The following CPLANE1 variants were observed in gnomAD, a reference collection of about 807,000 sequenced individuals.
CPLANE1 encodes ciliogenesis and planar polarity effector 1.
A neutral mutation model predicts 362.5 loss-of-function variants in CPLANE1; 263 were observed. The ratio of observed to expected loss-of-function variants is 0.73; its 90% CI spans 0.66 to 0.80. The LOEUF is 0.80. Ranked by LOEUF, CPLANE1 falls within the 30% of genes least tolerant of loss-of-function variation. The probability of loss-of-function intolerance (pLI) is 0.00; values close to 1 mark genes in which losing one functional copy is unlikely to be tolerated. For missense variants in CPLANE1, 3,461 were observed against 3,793.4 expected, an observed-to-expected ratio of 0.91 and a Z score of 2.30; for synonymous variants, 1,212 against 1,302.6, an observed-to-expected ratio of 0.93 and a Z score of 1.50.
chr5:37,175,435 G>A (rs1406272101), intron 31 of CPLANE1, among the ~76,000 whole-genome samples: 1 of 152,148 alleles, frequency 6.6e-6, no homozygotes, highest in Non-Finnish European at 1.5e-5. Context: ...CTTTCAACAG[G>A]TCTCAAGGAG....
At chr5:37,179,839 C>A (rs935404373) in intron 28 of CPLANE1, among the ~76,000 whole-genome samples, 178 bp downstream of exon 28, 1 of 151,956 alleles carries the variant, frequency 6.6e-6, no homozygotes, top group South Asian at 2.1e-4. Context: ...TTATTAAAAC[C>A]AAAATTAGAG....
the CPLANE1 span, among the ~76,000 whole-genome samples, chr5:37,089,561 T>C: frequency 2.0e-5 from 3 of 152,306 alleles, no homozygotes; most frequent in East Asian, 5.8e-4. Context: ...ATTCACCCAT[T>C]TTTGTCATTC....
At chr5:37,149,474 C>CT (rs1772830909) in intron 42 of CPLANE1, among the ~76,000 whole-genome samples, 1 of 152,084 alleles carries the variant, frequency 6.6e-6, no homozygotes, top group South Asian at 2.1e-4. Context: ...TGCAACCATC[C>CT]TTTTTTGTTT....
intron 47 of CPLANE1, among the ~76,000 whole-genome samples, chr5:37,122,876 G>A (rs1356287362): frequency 1.3e-5 from 2 of 151,814 alleles, no homozygotes; most frequent in African/African-American, 2.4e-5. Context: ...GCAAGGCTCC[G>A]TTTCAAAAAA....
At chr5:37,156,558 T>G (rs1434381873) in intron 41 of CPLANE1, among the ~76,000 whole-genome samples, 1 of 152,076 alleles carries the variant, frequency 6.6e-6, no homozygotes, top group Non-Finnish European at 1.5e-5. Context: ...TGAACTATGA[T>G]CACACCACTG....
At position 37,185,044 on chromosome 5, in the gene CPLANE1, G is replaced by A; in HGVS notation, c.4225C>T (p.His1409Tyr). ...TTCACCCTCACTTTCTGGATAGAATGCATGACAACAGACATCATTTCCTCA... is the reference window on the plus strand; with the variant it reads ...TTCACCCTCACTTTCTGGATAGAATACATGACAACAGACATCATTTCCTCA... Reference protein sequence around the residue: ...QTEEMMSVVMHSIQKVRVKAL... With the variant: ...QTEEMMSVVMYSIQKVRVKAL... Residue 1409 changes from histidine to tyrosine, a missense_variant, in exon 25 of 53, where the codon CAT becomes TAT. By Grantham distance (83) the His-to-Tyr change is moderately conservative (BLOSUM62 2). Coordinates refer to ENST00000651892, the MANE Select transcript of CPLANE1 (RefSeq NM_001384732.1). The A allele has an allele frequency of 6.2e-7, 1 of 1,613,712 alleles. No homozygotes were observed. The highest frequency in any genetic ancestry group is 8.5e-7 in the Non-Finnish European group (1 of 1,179,832).
At chr5:37,198,910 A>G in intron 19 of CPLANE1, 44 bp from the exon 20 acceptor site, 1 of 1,569,346 alleles carries the variant, frequency 6.4e-7, no homozygotes, top group Non-Finnish European at 8.7e-7. Context: ...AGTAATGAGA[A>G]AATTTAGAAT....
intron 17 of CPLANE1, 135 bp from the exon 18 acceptor site, chr5:37,205,589 G>T: frequency 1.6e-6 from 1 of 606,608 alleles, no homozygotes; most frequent in Non-Finnish European, 2.8e-6. Context: ...ATGTAAAAAA[G>T]ATATATTCAA....
chr5:37,210,421 A>G (rs1580764727), intron 16 of CPLANE1: 2 of 990,768 alleles, frequency 2.0e-6, no homozygotes, highest in East Asian at 4.7e-5. Context: ...CTCCTAAAGT[A>G]TCAACTTGAA....
At chr5:37,086,669 T>C in the CPLANE1 span, among the ~76,000 whole-genome samples, 1 of 152,192 alleles carries the variant, frequency 6.6e-6, no homozygotes, top group Non-Finnish European at 1.5e-5. Context: ...TACCCTCTAA[T>C]GGTGTTTACT....
intron 46 of CPLANE1, among the ~76,000 whole-genome samples, chr5:37,137,635 G>A (rs1220720116): frequency 6.6e-6 from 1 of 152,234 alleles, no homozygotes; most frequent in Non-Finnish European, 1.5e-5. Flanking sequence ...GAGGCCTCAG[G>A]AAACTTACAA....
chr5:37,169,601 T>A (rs758507607), intron 33 of CPLANE1, 40 bp from the exon 34 acceptor site: 1 of 1,499,650 alleles, frequency 6.7e-7, no homozygotes, highest in South Asian at 1.4e-5. Context: ...TTAGAATATA[T>A]TAGAAATTCC....
At chr5:37,119,992 GAAAAAGAAAA>G (rs1762183556) in intron 50 of CPLANE1, among the ~76,000 whole-genome samples, 1 of 131,552 alleles carries the variant, frequency 7.6e-6, no homozygotes, top group African/African-American at 2.8e-5. Context: ...GCCTCAAAAA[GAAAAAGAAAA>G]AAAAAGCCAT....
intron 17 of CPLANE1, 37 bp from the exon 18 acceptor site, chr5:37,205,491 T>G (rs1790449171): frequency 7.0e-7 from 1 of 1,432,002 alleles, no homozygotes; most frequent in African/African-American, 1.5e-5. Flanking sequence ...TGAATCCAAA[T>G]TTTGAAAAAA....
chr5:37,139,978 A>G lies in CPLANE1; in HGVS notation c.8633-608T>C, dbSNP rs897345628. Reference sequence around the variant, plus strand: ...TTACTTTATAAAATATACACAAACAAAAAACAAATCTCTGGTGATCTGAAA... The same window carrying G: ...TTACTTTATAAAATATACACAAACAGAAAACAAATCTCTGGTGATCTGAAA... On this transcript the variant is annotated intron_variant, in intron 44 of 52. Coordinates refer to ENST00000651892, the MANE Select transcript of CPLANE1 (RefSeq NM_001384732.1). The G allele has an allele frequency of 3.1e-6, 3 of 967,450 alleles. No individual in the cohort carries two copies. The African/African-American group carries it at 5.3e-5, about 17-fold the overall frequency. 59.9% of individuals were successfully genotyped at this position (967,450 alleles called of 1,614,324 possible). A position where few individuals can be genotyped will look rare whatever the true frequency, so the allele number is the denominator to read the frequency against.
At chr5:37,211,500 GA>G (rs1792583529) in intron 16 of CPLANE1, 1 of 1,359,640 alleles carries the variant, frequency 7.4e-7, no homozygotes, top group South Asian at 1.3e-5. Flanking sequence ...AGAAAGGAAT[GA>G]CATCTTGGAA....
rs1018501655 is a variant in CPLANE1 at position 37,244,379 on chromosome 5, T to C, written c.566A>G (p.Asn189Ser). ...AGAGTCTGAGACTGATTTTACCTCA[T>C]TTTTTATAAAAACAGCATTCACTAC... ...EAVVNAVFIK[N>S]ELFGDCCLCS... The change falls in exon 5 of 53, where the codon AAT becomes AGT. Residue 189 changes from asparagine (N) to serine (S), a missense_variant. Coordinates refer to ENST00000651892, the MANE Select transcript of CPLANE1 (RefSeq NM_001384732.1). 6.5e-6 allele frequency: 10 copies of C among 1,546,832 alleles called. No homozygotes were observed. Among genetic ancestry groups the C allele is most frequent in the East Asian group, 2.4e-5 (1 of 40,874 alleles).
At position 37,230,278 on chromosome 5, in the gene CPLANE1, G is replaced by A. The variant is rs532351943; in HGVS notation, c.1121+589C>T. On this transcript the variant is annotated intron_variant, in intron 9 of 52. Transcript: ENST00000651892. ...CATACAACTAATAAGTAAAAGAACC[G>A]GTATGTGAATCTTGATCTGACTCCA... Among the ~76,000 whole-genome samples, 9 of 148,804 alleles carry A rather than the reference G, an allele frequency of 6.0e-5. No homozygotes were observed. In the East Asian group the frequency reaches 1.4e-3, roughly 23 times the overall value.
chr5:37,152,607 AG>A (rs1773884461), intron 42 of CPLANE1, among the ~76,000 whole-genome samples: 2 of 152,308 alleles, frequency 1.3e-5, no homozygotes, highest in African/African-American at 4.8e-5. Flanking sequence ...ATAGAAAACT[AG>A]GCTGGTGTGG....
Sources: allele counts gnomAD v4.1 joint callset (sites outside exome capture counted in the v4.1 genomes callset), GRCh38; gene constraint gnomAD v4.1.1; transcripts MANE v1.5; gene names NCBI Gene and HGNC (gene_info 2026-07-23, HGNC 2026-07-21).